ANAPC5: variants seen among roughly 807,000 people sequenced by gnomAD.
The protein encoded by ANAPC5 is anaphase promoting complex subunit 5.
In ANAPC5, 60 loss-of-function variants were observed where a neutral mutation model predicts 91.3. The observed-to-expected ratio is 0.66, with a 90% CI of 0.53 to 0.81. The LOEUF (loss-of-function observed/expected upper bound fraction) is 0.81. Among genes scored for constraint, ANAPC5 ranks in the 40% least tolerant of loss-of-function variants. The pLI, the probability that ANAPC5 is intolerant of heterozygous loss-of-function variation, is 0.00. For synonymous variants in ANAPC5, 340 were observed against 364.1 expected, an observed-to-expected ratio of 0.93 and a Z score of 0.75; for missense variants, 690 against 931.5, an observed-to-expected ratio of 0.74 and a Z score of 3.37.
chr12:121,341,252 C>A (rs915809629), intron 5 of ANAPC5, among the ~76,000 whole-genome samples: 1 of 152,068 alleles, frequency 6.6e-6, no homozygotes, highest in East Asian at 1.9e-4. Flanking sequence ...GGTGGATCAC[C>A]TTAGATCGAG....
chr12:121,314,738 C>A (rs1015433117), intron 15 of ANAPC5, among the ~76,000 whole-genome samples: 2 of 151,810 alleles, frequency 1.3e-5, no homozygotes, highest in African/African-American at 4.8e-5. Flanking sequence ...GATTCTCAGT[C>A]CTCAGCCTAC....
chr12:121,339,054 C>CTT (rs1259383557), intron 5 of ANAPC5, among the ~76,000 whole-genome samples: 73 of 128,806 alleles, frequency 5.7e-4, no homozygotes, highest in South Asian at 7.5e-4. Context: ...ACTTTTTTTT[C>CTT]TTTTTTTTTT....
At position 121,330,669 on chromosome 12, in the gene ANAPC5, A is replaced by T; in HGVS notation, c.1036T>A (p.Trp346Arg). 1 of 1,613,878 alleles carries T rather than the reference A, an allele frequency of 6.2e-7. No individual in the cohort carries two copies. ...CTCTTCTGCCCCAGCACATAAAGCC[A>T]GCTCTGGCAAGAGAAATCATCAAAA... is the stretch of plus-strand genomic sequence containing the variant. ...DHVCLQHCLSWLYVLGQKRSD... is the reference protein window; with the variant it reads ...DHVCLQHCLSRLYVLGQKRSD... Residue 346 changes from tryptophan to arginine, a missense_variant, in exon 9 of 17, where the codon TGG becomes AGG. Transcript: ENST00000261819.
In ANAPC5 at chr12:121,352,247, G is replaced by A. The variant is rs1555275481; in HGVS notation, c.94C>T (p.Pro32Ser). ...AGCACCAGCACCGCGATCTTGTACG[G>A]CGTCACCCAGTCCTTGATGCCGAAC... ...NVFGIKDWVT[P>S]YKIAVLVLLN... The change falls in exon 1 of 17, where the codon CCG becomes TCG. Residue 32 changes from proline to serine, a missense_variant. Around this residue, in one of 5 missense-constraint regions of ANAPC5, gnomAD observed 238 missense variants for 264.9 expected, o/e 0.90. Coordinates refer to ENST00000261819, the MANE Select transcript of ANAPC5 (RefSeq NM_016237.5). The A allele has an allele frequency of 1.2e-6, 2 of 1,614,182 alleles. No homozygotes were observed. The highest frequency in any genetic ancestry group is 2.2e-5 in the East Asian group (1 of 44,878).
intron 9 of ANAPC5, 51 bp downstream of exon 9, chr12:121,330,532 A>G: frequency 6.6e-7 from 1 of 1,510,680 alleles, no homozygotes; most frequent in South Asian, 1.2e-5. Flanking sequence ...AGAAAAAGAG[A>G]CAAAGGCTCG....
At chr12:121,351,991 A>C in intron 1 of ANAPC5, 143 bp downstream of exon 1, 1 of 744,766 alleles carries the variant, frequency 1.3e-6, no homozygotes, top group Non-Finnish European at 2.1e-6. Flanking sequence ...AGCTACCGGT[A>C]GTAGCTATCT....
intron 5 of ANAPC5, among the ~76,000 whole-genome samples, chr12:121,339,362 T>C (rs558820100): frequency 1.4e-3 from 207 of 152,324 alleles, no homozygotes; most frequent in African/African-American, 4.9e-3. Flanking sequence ...GAAAATGTGA[T>C]TTCTAAACCA....
At chr12:121,317,644 C>T (rs144114201) in intron 15 of ANAPC5, among the ~76,000 whole-genome samples, 173 of 152,270 alleles carry the variant, frequency 1.1e-3, no homozygotes, top group African/African-American at 4.0e-3. Flanking sequence ...ATTCTGACTC[C>T]GTAGGTCTGA....
At position 121,347,804 on chromosome 12, in the gene ANAPC5, G is replaced by A; in HGVS notation, c.285C>T (p.Ile95=). ...SCPQLANSVQ[I]RIKLMAEGEL... ...ATAAAGAAGAAAATGAAGTTTACCT[G>A]ATCTGCACTGAATTTGCCAGCTGTG... is the stretch of plus-strand genomic sequence containing the variant. The change falls in exon 2 of 17, where the codon ATC becomes ATT. Residue 95 remains isoleucine, a splice_region_variant and synonymous_variant. Coordinates refer to ENST00000261819, the MANE Select transcript of ANAPC5 (RefSeq NM_016237.5). 6.2e-7 allele frequency: 1 copy of A among 1,609,084 alleles called. No homozygotes were observed. The highest frequency in any genetic ancestry group is 8.5e-7 in the Non-Finnish European group (1 of 1,175,576).
In ANAPC5 at chr12:121,345,850, A is replaced by G; in HGVS notation, c.579T>C (p.Asp193=). The G allele has an allele frequency of 6.2e-7, 1 of 1,613,334 alleles. No homozygotes were observed. The highest frequency in any genetic ancestry group is 2.2e-5 in the East Asian group (1 of 44,878). ...AAAAGCCAAATTACCTTACAGATAC[A>G]TCAAGTTCTTCTTTTTCCATTTTTC... is the stretch of plus-strand genomic sequence containing the variant. ...GERKMEKEEL[D]VSVREEEVSC... is the part of the protein sequence containing the mutation. The change falls in exon 4 of 17, where the codon GAT becomes GAC. Residue 193 remains aspartate, a synonymous_variant. Coordinates refer to ENST00000261819, the MANE Select transcript of ANAPC5 (RefSeq NM_016237.5).
rs782311213 is a variant in ANAPC5, at chr12:121,327,117, G to A, written c.1419C>T (p.Leu473=). Residue 473 remains leucine, a synonymous_variant, in exon 11 of 17, where the codon CTC becomes CTT. Coordinates refer to ENST00000261819, the MANE Select transcript of ANAPC5 (RefSeq NM_016237.5). ...TESFAVALCH[L]AELHAEQGCF... is the part of the protein sequence containing the mutation. Reference sequence around the variant, plus strand: ...CTACCTGCTCCGCGTGTAGCTCTGCGAGGTGGCAGAGTGCGACAGCAAAGG... The same window carrying A: ...CTACCTGCTCCGCGTGTAGCTCTGCAAGGTGGCAGAGTGCGACAGCAAAGG... The A allele has an allele frequency of 1.1e-5, 17 of 1,609,346 alleles. No individual in the cohort carries two copies. The highest frequency in any genetic ancestry group is 8.4e-5 in the Admixed American group (5 of 59,480).
At chr12:121,318,714 G>T in intron 13 of ANAPC5, 106 bp from the exon 14 acceptor site, 3 of 1,047,918 alleles carry the variant, frequency 2.9e-6, no homozygotes, top group Non-Finnish European at 4.2e-6. Context: ...AAAAAACTGT[G>T]CCTGATTTAA....
At chr12:121,327,426 C>T (rs955243887) in intron 10 of ANAPC5, 195 bp from the exon 11 acceptor site, 4 of 618,958 alleles carry the variant, frequency 6.5e-6, no homozygotes, top group African/African-American at 5.6e-5. Flanking sequence ...CCTGGATGTG[C>T]AGCGCGAGGA....
intron 16 of ANAPC5, among the ~76,000 whole-genome samples, chr12:121,308,924 G>A (rs573904889): frequency 1.2e-4 from 18 of 150,622 alleles, no homozygotes; most frequent in Non-Finnish European, 2.5e-4. Flanking sequence ...CGAGGCGGGT[G>A]GATCACCTGA....
chr12:121,309,590 A>C (rs1195719101), intron 16 of ANAPC5, 111 bp downstream of exon 16: 1 of 1,264,218 alleles, frequency 7.9e-7, no homozygotes, highest in Non-Finnish European at 1.1e-6. Context: ...ATTTGTGAAC[A>C]CTCAGAACTT....
upstream of ANAPC5, among the ~76,000 whole-genome samples, chr12:121,352,707 G>GGTT (rs201395836): frequency 1.1e-3 from 120 of 109,250 alleles, 7 homozygotes; most frequent in East Asian, 1.6e-3. Context: ...TTTTGTTGTT[G>GGTT]GTTGTTGTTG....
Position 121,349,993 on chromosome 12 carries a change from G to A in ANAPC5, c.208-2112C>T, listed in dbSNP as rs151007874. Among the ~76,000 whole-genome samples the A allele has an allele frequency of 8.0e-3, 1,211 of 152,154 alleles. 11 individuals carry two copies. Among genetic ancestry groups the A allele is most frequent in the African/African-American group, 0.026 (1,078 of 41,502 alleles). On this transcript the variant is annotated intron_variant, in intron 1 of 16. Transcript: ENST00000261819. ...CCCAAAGTGCCGGGGTTACAGGTGT[G>A]ATCCCACCCGGCCTTTTATTTACCA...
At chr12:121,344,109 C>A (rs1308736801) in intron 4 of ANAPC5, among the ~76,000 whole-genome samples, 17 of 152,108 alleles carry the variant, frequency 1.1e-4, no homozygotes, top group African/African-American at 3.9e-4. Context: ...CATTCAGGTA[C>A]AGAACACATT....
At chr12:121,319,916 A>G in intron 12 of ANAPC5, 98 bp from the exon 13 acceptor site, 2 of 1,173,434 alleles carry the variant, frequency 1.7e-6, no homozygotes, top group Non-Finnish European at 2.3e-6. Flanking sequence ...ATATCCTTAC[A>G]ATAATTCACA....
Sources: allele counts gnomAD v4.1 joint callset (sites outside exome capture counted in the v4.1 genomes callset), GRCh38; gene constraint gnomAD v4.1.1; regional missense constraint gnomAD v4.1.1; transcripts MANE v1.5; gene names NCBI Gene and HGNC (gene_info 2026-07-23, HGNC 2026-07-21).